Variants in ACCSL observed in about 807,000 individuals in gnomAD.
The protein encoded by ACCSL is probable inactive 1-aminocyclopropane-1-carboxylate synthase-like protein 2.
A neutral mutation model predicts 61.7 loss-of-function variants in ACCSL; 55 were observed. The ratio of observed to expected loss-of-function variants is 0.89; its 90% CI spans 0.72 to 1.12. The LOEUF (loss-of-function observed/expected upper bound fraction) is 1.12. Among genes scored for constraint, ACCSL ranks in the 50% most tolerant of loss-of-function variants. The probability of loss-of-function intolerance (pLI) is 0.00; values close to 1 mark genes in which losing one functional copy is unlikely to be tolerated. For missense variants in ACCSL, 632 were observed against 698.0 expected, an observed-to-expected ratio of 0.91 and a Z score of 1.07; for synonymous variants, 258 against 264.3, an observed-to-expected ratio of 0.98 and a Z score of 0.23.
At chr11:44,030,623 G>T in the ACCSL span, among the ~76,000 whole-genome samples, 1 of 151,926 alleles carries the variant, frequency 6.6e-6, no homozygotes, top group Non-Finnish European at 1.5e-5. Context: ...TAATTTATCT[G>T]GTTTTTTGTT....
At chr11:43,941,894 C>T in the ACCSL span, among the ~76,000 whole-genome samples, 1 of 152,126 alleles carries the variant, frequency 6.6e-6, no homozygotes, top group Non-Finnish European at 1.5e-5. Context: ...GTTGTTAGTG[C>T]CATATCCAAG....
At chr11:43,959,424 C>T in the ACCSL span, among the ~76,000 whole-genome samples, 2 of 152,244 alleles carry the variant, frequency 1.3e-5, no homozygotes, top group African/African-American at 4.8e-5. Flanking sequence ...TTCTGCCTTC[C>T]TTCCAAACCA....
the ACCSL span, among the ~76,000 whole-genome samples, chr11:44,024,423 CTT>C: frequency 3.9e-5 from 4 of 101,372 alleles, no homozygotes; most frequent in Non-Finnish European, 8.0e-5. Flanking sequence ...CTCTCTCTCT[CTT>C]TCTCTCTCTC....
chr11:44,011,110 C>T, the ACCSL span, among the ~76,000 whole-genome samples: 1 of 152,154 alleles, frequency 6.6e-6, no homozygotes, highest in Non-Finnish European at 1.5e-5. Context: ...CTCCTCGCCC[C>T]ACTGGGAGTT....
At chr11:43,989,746 C>T in the ACCSL span, among the ~76,000 whole-genome samples, 1 of 152,230 alleles carries the variant, frequency 6.6e-6, no homozygotes, top group Admixed American at 6.5e-5. Context: ...ACATCCAGGT[C>T]CCTTTGCTGC....
chr11:43,970,113 C>T, the ACCSL span, among the ~76,000 whole-genome samples: 6 of 151,968 alleles, frequency 3.9e-5, no homozygotes, highest in South Asian at 2.1e-4. Flanking sequence ...CCCAGGAGTT[C>T]GGGACCATCC....
intron 5 of ACCSL, among the ~76,000 whole-genome samples, chr11:44,052,049 A>G (rs990507030): frequency 6.6e-6 from 1 of 152,174 alleles, no homozygotes; most frequent in Admixed American, 6.5e-5. Flanking sequence ...GACAATATAG[A>G]TTTCTTATCT....
chr11:43,960,321 T>C, the ACCSL span, among the ~76,000 whole-genome samples: 1 of 152,240 alleles, frequency 6.6e-6, no homozygotes, highest in Non-Finnish European at 1.5e-5. Context: ...TAATTTATTT[T>C]TATAGATATT....
chr11:44,017,734 G>C, the ACCSL span, among the ~76,000 whole-genome samples: 1 of 152,116 alleles, frequency 6.6e-6, no homozygotes, highest in African/African-American at 2.4e-5. Context: ...TGCTGTACAG[G>C]GTTTTGGAGG....
At chr11:44,046,808 CA>C (rs1478246478), upstream of ACCSL, among the ~76,000 whole-genome samples, 1 of 152,130 alleles carries the variant, frequency 6.6e-6, no homozygotes, top group African/African-American at 2.4e-5. Context: ...GAAGTAGTGG[CA>C]GCTGTTGGCC....
the ACCSL span, among the ~76,000 whole-genome samples, chr11:43,980,305 G>A: frequency 5.3e-5 from 8 of 152,210 alleles, no homozygotes; most frequent in Admixed American, 2.6e-4. Flanking sequence ...TTCTGTAGGA[G>A]ATGTTCTCAT....
the ACCSL span, among the ~76,000 whole-genome samples, chr11:43,990,220 CAG>C: frequency 6.6e-6 from 1 of 152,230 alleles, no homozygotes. Flanking sequence ...TTAACACTGA[CAG>C]AGTGCTTAGG....
chr11:43,970,086 CAGA>C, the ACCSL span, among the ~76,000 whole-genome samples: 1 of 152,030 alleles, frequency 6.6e-6, no homozygotes, highest in East Asian at 1.9e-4. Flanking sequence ...GAGACCGATG[CAGA>C]AGAATTGCTT....
the ACCSL span, among the ~76,000 whole-genome samples, chr11:44,032,460 T>G: frequency 6.6e-6 from 1 of 152,318 alleles, no homozygotes; most frequent in South Asian, 2.1e-4. Context: ...TCAGCAATGG[T>G]CCAGGCAGCT....
upstream of ACCSL, among the ~76,000 whole-genome samples, chr11:44,044,848 GGGCT>G (rs1173172365): frequency 5.3e-5 from 8 of 152,126 alleles, no homozygotes; most frequent in African/African-American, 1.9e-4. Flanking sequence ...AGCATCTACT[GGGCT>G]GATCCTGGGA....
chr11:44,052,097 G>T (rs1179740201), intron 5 of ACCSL, among the ~76,000 whole-genome samples: 2 of 152,212 alleles, frequency 1.3e-5, no homozygotes, highest in African/African-American at 4.8e-5. Flanking sequence ...ACCCAACAAG[G>T]TTGAGTGGAC....
chr11:44,029,752 C>T, the ACCSL span, among the ~76,000 whole-genome samples: 1 of 152,052 alleles, frequency 6.6e-6, no homozygotes, highest in African/African-American at 2.4e-5. Flanking sequence ...TACATCCTTG[C>T]CTGATTGCTT....
At chr11:44,016,246 C>T in the ACCSL span, among the ~76,000 whole-genome samples, 2 of 152,170 alleles carry the variant, frequency 1.3e-5, no homozygotes, top group African/African-American at 4.8e-5. Flanking sequence ...ACAGATCCTG[C>T]AGCATTTCTG....
At chr11:44,053,204 G>A (rs1952650592) in intron 7 of ACCSL, 136 bp downstream of exon 7, 1 of 871,010 alleles carries the variant, frequency 1.1e-6, no homozygotes, top group Non-Finnish European at 1.8e-6. Flanking sequence ...ATGATCCAGG[G>A]GTGTGTCCCT....
Sources: gnomAD v4.1 joint callset for allele counts (sites outside exome capture counted in the v4.1 genomes callset) on GRCh38, gnomAD v4.1.1 for gene constraint, MANE v1.5 for transcripts, NCBI Gene and HGNC (gene_info 2026-07-23, HGNC 2026-07-21) for gene names.